The following DMRT1 variants were observed in gnomAD, a reference collection of about 807,000 sequenced individuals.
DMRT1 encodes doublesex- and mab-3-related transcription factor 1.
Under a neutral mutation model 32.3 loss-of-function variants are expected in DMRT1, and 7 were observed. That is an observed-to-expected ratio of 0.22 (90% CI 0.12 to 0.41). DMRT1 has a LOEUF of 0.41. Ranked by LOEUF, DMRT1 falls within the 10% of genes least tolerant of loss-of-function variation. DMRT1 has a pLI of 1.00. For synonymous variants in DMRT1, 278 were observed against 206.1 expected, an observed-to-expected ratio of 1.35 and a Z score of -2.99; for missense variants, 625 against 500.5, an observed-to-expected ratio of 1.25 and a Z score of -2.37.
At chr9:853,882 A>T (rs1356330144) in intron 2 of DMRT1, among the ~76,000 whole-genome samples, 2 of 151,962 alleles carry the variant, frequency 1.3e-5, no homozygotes, top group South Asian at 4.2e-4. Flanking sequence ...TGCATCCTCC[A>T]ACTCCTAGGC....
intron 4 of DMRT1, among the ~76,000 whole-genome samples, chr9:967,145 A>G (rs764328089): frequency 6.6e-6 from 1 of 152,198 alleles, no homozygotes; most frequent in Non-Finnish European, 1.5e-5. Flanking sequence ...CCTTAATTAC[A>G]TTCACACTAG....
chr9:911,870 T>C (rs1189185437), intron 3 of DMRT1, among the ~76,000 whole-genome samples: 9 of 152,196 alleles, frequency 5.9e-5, no homozygotes, highest in Non-Finnish European at 1.3e-4. Flanking sequence ...TTTCTTCTTA[T>C]GAGCAAGTTG....
intron 4 of DMRT1, among the ~76,000 whole-genome samples, chr9:925,009 C>T (rs1005904664): frequency 6.6e-6 from 1 of 152,208 alleles, no homozygotes; most frequent in African/African-American, 2.4e-5. Flanking sequence ...TTGACAAGGC[C>T]TCCTCCAGGC....
intron 4 of DMRT1, among the ~76,000 whole-genome samples, chr9:932,349 A>G (rs1000934678): frequency 1.3e-5 from 2 of 152,236 alleles, no homozygotes; most frequent in African/African-American, 2.4e-5. Flanking sequence ...ACGCAGGGAC[A>G]TGAATGAGAG....
intron 4 of DMRT1, among the ~76,000 whole-genome samples, chr9:938,908 T>C (rs992173588): frequency 1.3e-5 from 2 of 152,228 alleles, no homozygotes. Flanking sequence ...TGAACACTAA[T>C]AGCCTGATTT....
intron 4 of DMRT1, among the ~76,000 whole-genome samples, chr9:942,015 G>C (rs1819090412): frequency 6.6e-6 from 1 of 152,094 alleles, no homozygotes; most frequent in Non-Finnish European, 1.5e-5. Flanking sequence ...TTGTAATGTT[G>C]TTATATCATG....
chr9:875,693 C>G (rs929780965), intron 2 of DMRT1, among the ~76,000 whole-genome samples: 4 of 152,132 alleles, frequency 2.6e-5, no homozygotes, highest in African/African-American at 7.2e-5. Flanking sequence ...CCCAGCATGG[C>G]TCTTTGTAGT....
chr9:861,050 C>CTTTTTTTTTTT (rs140608243), intron 2 of DMRT1, among the ~76,000 whole-genome samples: 13 of 121,354 alleles, frequency 1.1e-4, no homozygotes, highest in Non-Finnish European at 1.8e-4. Flanking sequence ...AATTTACTTT[C>CTTTTTTTTTTT]TTTTTTTTTT....
At chr9:948,234 G>A (rs992585901) in intron 4 of DMRT1, among the ~76,000 whole-genome samples, 2 of 152,072 alleles carry the variant, frequency 1.3e-5, no homozygotes, top group African/African-American at 2.4e-5. Context: ...GCTCAGGCCC[G>A]CCCCTCCTCC....
At chr9:914,362 C>T (rs1469908921) in intron 3 of DMRT1, among the ~76,000 whole-genome samples, 2 of 152,018 alleles carry the variant, frequency 1.3e-5, no homozygotes, top group African/African-American at 4.8e-5. Context: ...ATCACGAGGT[C>T]ATGAGATCGA....
chr9:858,040 G>A (rs1257527615), intron 2 of DMRT1, among the ~76,000 whole-genome samples: 3 of 151,926 alleles, frequency 2.0e-5, no homozygotes, highest in African/African-American at 7.3e-5. Context: ...TGTACATTTG[G>A]GTTGGTTTCA....
chr9:947,133 T>G lies in DMRT1; in HGVS notation c.968-20852T>G, dbSNP rs1586652702. 2.0e-5 allele frequency among the ~76,000 whole-genome samples: 3 copies of G among 152,150 alleles called. No individual in the cohort carries two copies. The South Asian group carries it at 6.2e-4, about 32-fold the overall frequency. On this transcript the variant is annotated intron_variant, in intron 4 of 4. Transcript: ENST00000382276. ...ACCCCATTTAGTGGCTGAATTCCAG[T>G]AAATGGAAAGAACCTAGTCCAAGCT...
chr9:926,642 A>G (rs531477404), intron 4 of DMRT1, among the ~76,000 whole-genome samples: 3 of 152,092 alleles, frequency 2.0e-5, no homozygotes, highest in Admixed American at 2.0e-4. Context: ...AACTACACAG[A>G]GGTTTTCATT....
rs190642084 is a variant in DMRT1 at position 938,076 on chromosome 9, T to C, written c.967+21169T>C. Among the ~76,000 whole-genome samples, 23 of 152,312 alleles carry C rather than the reference T, an allele frequency of 1.5e-4. 1 individual carries two copies. The East Asian group carries it at 4.0e-3, about 27-fold the overall frequency. On this transcript the variant is annotated intron_variant, in intron 4 of 4. Transcript: ENST00000382276. ...TCTTTGGTATGTGGATATCCCGTTT[T>C]CCCAACATTGTTTATTGAAAAGACT...
At chr9:887,260 G>A (rs916029983) in intron 2 of DMRT1, among the ~76,000 whole-genome samples, 2 of 152,242 alleles carry the variant, frequency 1.3e-5, no homozygotes, top group African/African-American at 4.8e-5. Flanking sequence ...AGATCTGCCA[G>A]TGATTTTCAT....
chr9:927,991 T>C (rs554579661), intron 4 of DMRT1, among the ~76,000 whole-genome samples: 2 of 152,320 alleles, frequency 1.3e-5, no homozygotes, highest in Admixed American at 1.3e-4. Context: ...GCCTGTCCTG[T>C]TGAGCACATA....
intron 2 of DMRT1, among the ~76,000 whole-genome samples, chr9:877,404 G>T (rs969315939): frequency 2.6e-5 from 4 of 152,206 alleles, no homozygotes; most frequent in African/African-American, 7.2e-5. Flanking sequence ...CCAGCAAGTG[G>T]CTAAGCATTT....
intron 4 of DMRT1, among the ~76,000 whole-genome samples, chr9:943,879 T>C (rs1465108394): frequency 6.6e-6 from 1 of 152,242 alleles, no homozygotes; most frequent in East Asian, 1.9e-4. Flanking sequence ...TTTAAAGGTA[T>C]CCTTCAGAGT....
At chr9:849,751 C>T (rs1466925947) in intron 2 of DMRT1, among the ~76,000 whole-genome samples, 4 of 151,998 alleles carry the variant, frequency 2.6e-5, no homozygotes, top group African/African-American at 9.7e-5. Context: ...GTGCTGTGCT[C>T]ATTTGCTCAG....
Sources: gnomAD v4.1 joint callset for allele counts (sites outside exome capture counted in the v4.1 genomes callset) on GRCh38, gnomAD v4.1.1 for gene constraint, MANE v1.5 for transcripts, NCBI Gene and HGNC (gene_info 2026-07-23, HGNC 2026-07-21) for gene names.